Variants in EVI5L observed in about 807,000 individuals in gnomAD.
EVI5L encodes the protein ecotropic viral integration site 5 like, also known as EVI5-like protein.
EVI5L carries 30 observed loss-of-function variants against 106.1 expected under a neutral mutation model. The observed-to-expected ratio is 0.28, with a 90% CI of 0.21 to 0.38. The LOEUF is 0.38. Ranked by LOEUF, EVI5L falls within the 10% of genes least tolerant of loss-of-function variation. EVI5L has a pLI of 1.00. For missense variants in EVI5L, 809 were observed against 1,098.0 expected, an observed-to-expected ratio of 0.74 and a Z score of 3.72; for synonymous variants, 489 against 483.3, an observed-to-expected ratio of 1.01 and a Z score of -0.15.
rs1160431828 is a variant in EVI5L at position 7,850,017 on chromosome 19, C to T, written c.648C>T (p.Phe216=). The change falls in exon 6 of 20, where the codon TTC becomes TTT. Residue 216 remains phenylalanine, a synonymous_variant. Coordinates refer to ENST00000538904, the MANE Select transcript of EVI5L (RefSeq NM_001159944.3). This position sits in a 1 kb window ranked among gnomAD's most constrained non-coding sequence, Gnocchi z 5.4. ...CCTAGATGCCTGAGGAGGAGGCCTT[C>T]TGTGTGTTCGTGCGGCTGATGCAGG... is the stretch of plus-strand genomic sequence containing the variant. ...LLMQMPEEEA[F]CVFVRLMQEY... 5 of 1,600,612 alleles carry T rather than the reference C, an allele frequency of 3.1e-6. No individual in the cohort carries two copies. The highest frequency in any genetic ancestry group is 3.4e-6 in the Non-Finnish European group (4 of 1,173,898).
In EVI5L at chr19:7,856,124, C is replaced by T. The variant is rs191026003; in HGVS notation, c.1200+56C>T. On this transcript the variant is annotated intron_variant, in intron 11 of 19. Transcript: ENST00000538904. This position sits in a 1 kb window ranked among gnomAD's most constrained non-coding sequence, Gnocchi z 6.6. ...TCGCCATGGGGTGTGACCCACCATG[C>T]GGGGCATGGCCGCTAACCTGGGGTG... 42 of 1,301,856 alleles carry T rather than the reference C, an allele frequency of 3.2e-5. No individual in the cohort carries two copies. In the East Asian group the frequency reaches 3.4e-4, roughly 10 times the overall value. 80.6% of individuals were successfully genotyped at this position (1,301,856 alleles called of 1,614,324 possible).
rs773314061 is a variant in EVI5L at position 7,864,520 on chromosome 19, C to G, written c.*818C>G. ...CGGTCTCCATCTACTTCCCTTTCTT[C>G]ATGTGTTTCCAGCCCCACCCTCAGC... is the stretch of plus-strand genomic sequence containing the variant. On this transcript the variant is annotated 3_prime_UTR_variant, in exon 20 of 20. Transcript: ENST00000538904. The surrounding 1 kb of genome is among the most constrained non-coding windows in gnomAD (Gnocchi z 4.5). The G allele has an allele frequency of 6.6e-6, 1 of 152,586 alleles. No individual in the cohort carries two copies. The highest frequency in any genetic ancestry group is 1.5e-5 in the Non-Finnish European group (1 of 68,232). 9.5% of individuals were successfully genotyped at this position (152,586 alleles called of 1,614,324 possible).
At chr19:7,847,604 AAG>A (rs1979015072) in intron 2 of EVI5L, 126 bp from the exon 3 acceptor site, 1 of 935,690 alleles carries the variant, frequency 1.1e-6, no homozygotes, top group Admixed American at 2.7e-5. Flanking sequence ...AGAAAAAAAA[AAG>A]AACAAGAGGG....
chr19:7,863,446 C>G lies in EVI5L; in HGVS notation c.2162C>G (p.Pro721Arg). The change falls in exon 20 of 20, where the codon CCG becomes CGG. Residue 721 changes from proline to arginine, a missense_variant. By Grantham distance (103) the Pro-to-Arg change is moderately radical. Coordinates refer to ENST00000538904, the MANE Select transcript of EVI5L (RefSeq NM_001159944.3). The surrounding 1 kb of genome is among the most constrained non-coding windows in gnomAD (Gnocchi z 7.7). ...CAGGTGCGGCTGCTGAAGGGCCCGCCGCCCTTCGAGGACCCGCTGGCTTTC... is the reference window on the plus strand; with the variant it reads ...CAGGTGCGGCTGCTGAAGGGCCCGCGGCCCTTCGAGGACCCGCTGGCTTTC... Reference protein sequence around the residue: ...KAEVRLLKGPPPFEDPLAFDG... With the variant: ...KAEVRLLKGPRPFEDPLAFDG... 6.4e-7 allele frequency: 1 copy of G among 1,551,940 alleles called. No homozygotes were observed. The highest frequency in any genetic ancestry group is 8.7e-7 in the Non-Finnish European group (1 of 1,149,262).
intron 1 of EVI5L, among the ~76,000 whole-genome samples, chr19:7,842,910 ATG>A (rs1361208098): frequency 2.6e-5 from 4 of 151,386 alleles, no homozygotes; most frequent in African/African-American, 9.7e-5. Flanking sequence ...GAGTGTGTGC[ATG>A]TGTGTGTGAA....
At position 7,858,348 on chromosome 19, in the gene EVI5L, G is replaced by GTGTGTGTGTGTGT; in HGVS notation, c.1374+17_1374+18insTGTGTGTGTGTGT. 6.5e-7 allele frequency: 1 copy of GTGTGTGTGTGTGT among 1,539,120 alleles called. No individual in the cohort carries two copies. On this transcript the variant is annotated intron_variant, in intron 13 of 19. Transcript: ENST00000538904. The surrounding 1 kb of genome is among the most constrained non-coding windows in gnomAD (Gnocchi z 5.7). ...GAGCAGCAGGTAGGGGCGGGTGTGC[G>GTGTGTGTGTGTGT]GGGCTGCTGGGCGGGGCCATGACCC... is the stretch of plus-strand genomic sequence containing the variant.
At chr19:7,842,382 G>A (rs1978651894) in intron 1 of EVI5L, among the ~76,000 whole-genome samples, 1 of 30,890 alleles carries the variant, frequency 3.2e-5, no homozygotes, top group African/African-American at 9.0e-5. Context: ...GCATGTGTGT[G>A]CATGTCTGTG....
chr19:7,830,717 C>G (rs1309714158), intron 1 of EVI5L, among the ~76,000 whole-genome samples: 1 of 138,210 alleles, frequency 7.2e-6, no homozygotes, highest in Non-Finnish European at 1.6e-5. Context: ...GGCTCCCCAT[C>G]CCCCCACTCC....
At chr19:7,849,429 G>A (rs950266787) in intron 5 of EVI5L, 99 bp downstream of exon 5, 34 of 1,292,736 alleles carry the variant, frequency 2.6e-5, no homozygotes, top group South Asian at 2.3e-4. Flanking sequence ...TCCACCCAGC[G>A]TCTTGCTAGG....
Position 7,858,065 on chromosome 19 carries a change from G to C in EVI5L, c.1234-126G>C. On this transcript the variant is annotated intron_variant, in intron 12 of 19. Transcript: ENST00000538904. The surrounding 1 kb of genome is among the most constrained non-coding windows in gnomAD (Gnocchi z 5.7). ...GACGCTCATCCCAGGCTCTGAGTAC[G>C]GGAGGCCCCCACCTCACTTCCCCCC... The C allele has an allele frequency of 1.7e-6, 2 of 1,148,868 alleles. No individual in the cohort carries two copies. The highest frequency in any genetic ancestry group is 1.5e-5 in the South Asian group (1 of 64,526). The allele number at this position is 1,148,868 out of a possible 1,614,324, so 71.2% of individuals were successfully genotyped here.
At chr19:7,851,338 A>T in intron 6 of EVI5L, 96 bp from the exon 7 acceptor site, 12 of 1,477,648 alleles carry the variant, frequency 8.1e-6, no homozygotes, top group Non-Finnish European at 1.0e-5. Context: ...GCGCAGGTCC[A>T]GGAAGGCTCC....
chr19:7,851,387 G>C, intron 6 of EVI5L, 47 bp from the exon 7 acceptor site: 1 of 1,580,550 alleles, frequency 6.3e-7, no homozygotes. Context: ...CCCCCCGGTG[G>C]GAGGGCGTCC....
intron 10 of EVI5L, among the ~76,000 whole-genome samples, chr19:7,854,281 CAAAAA>C (rs56186481): frequency 1.1e-5 from 1 of 94,754 alleles, no homozygotes; most frequent in Non-Finnish European, 2.1e-5. Flanking sequence ...GACTGTGTCT[CAAAAA>C]AAAAAAAAAA....
chr19:7,863,505 G>T lies in EVI5L; in HGVS notation c.2221G>T (p.Asp741Tyr). The stretch of plus-strand genomic sequence containing the variant: ...GAGCCTGGCGCGGCACTTGGACGAG[G>T]ACTCGCTGCCGTCGTCGGACGAGGA... ...GLSLARHLDEDSLPSSDEELL... is the reference protein window; with the variant it reads ...GLSLARHLDEYSLPSSDEELL... The change falls in exon 20 of 20, where the codon GAC becomes TAC. Residue 741 changes from aspartate to tyrosine, a missense_variant. Around this residue, in one of 2 missense-constraint regions of EVI5L, gnomAD observed 452 missense variants for 509.9 expected, o/e 0.89. Transcript: ENST00000538904. This position sits in a 1 kb window ranked among gnomAD's most constrained non-coding sequence, Gnocchi z 7.7. The T allele has an allele frequency of 2.5e-6, 4 of 1,589,000 alleles. No homozygotes were observed. In the East Asian group the frequency reaches 6.9e-5, roughly 28 times the overall value.
chr19:7,855,114 CTTTTTTTTTTT>C (rs200195743), intron 10 of EVI5L, among the ~76,000 whole-genome samples: 2 of 132,628 alleles, frequency 1.5e-5, no homozygotes, highest in African/African-American at 5.5e-5. Context: ...ATATCTTTTT[CTTTTTTTTTTT>C]TTTTTTTTGG....
chr19:7,839,002 G>GA (rs113476042), intron 1 of EVI5L, among the ~76,000 whole-genome samples: 127 of 137,844 alleles, frequency 9.2e-4, no homozygotes, highest in Middle Eastern at 3.8e-3. Flanking sequence ...TCTCTAAAAA[G>GA]AAAAAAAAAA....
In EVI5L at chr19:7,840,531, A is replaced by G. The variant is rs137994388; in HGVS notation, c.-47-5965A>G. ...CTTACAGTTTGGTGGCATTTATTCC[A>G]ACTGTGTTGTGCAACCATCACCACT... is the stretch of plus-strand genomic sequence containing the variant. On this transcript the variant is annotated intron_variant, in intron 1 of 19. Coordinates refer to ENST00000538904, the MANE Select transcript of EVI5L (RefSeq NM_001159944.3). 6.7e-3 allele frequency among the ~76,000 whole-genome samples: 1,027 copies of G among 152,280 alleles called. 14 individuals are homozygous for G. Among genetic ancestry groups the G allele is most frequent in the African/African-American group, 0.024 (993 of 41,532 alleles).
Position 7,843,442 on chromosome 19 carries a change from GTA to G in EVI5L, c.-47-3052_-47-3051del, listed in dbSNP as rs1277644809. ...GCATGGGTGTGTCGAGAGTGTGTGT[GTA>G]TGGGTGTGTGAGTGTGTGTGAGAAT... is the stretch of plus-strand genomic sequence containing the variant. On this transcript the variant is annotated intron_variant, in intron 1 of 19. Transcript: ENST00000538904. 8.6e-4 allele frequency among the ~76,000 whole-genome samples: 120 copies of G among 140,076 alleles called. 2 individuals carry two copies. The highest frequency in any genetic ancestry group is 1.4e-3 in the Admixed American group (19 of 13,858). The allele number at this position is 140,076 out of a possible 152,430, so 91.9% of individuals were successfully genotyped here. A position where few individuals can be genotyped will look rare whatever the true frequency, so the allele number is the denominator to read the frequency against.
At chr19:7,853,625 T>C in intron 10 of EVI5L, 1 of 493,744 alleles carries the variant, frequency 2.0e-6, no homozygotes, top group Non-Finnish European at 3.7e-6. Context: ...GAGTGCGGAC[T>C]CTAAATGCTC....
Sources: allele counts gnomAD v4.1 joint callset (sites outside exome capture counted in the v4.1 genomes callset), GRCh38; gene constraint gnomAD v4.1.1; regional missense constraint gnomAD v4.1.1; non-coding constraint Gnocchi (gnomAD v3.1); transcripts MANE v1.5; gene names NCBI Gene and HGNC (gene_info 2026-07-23, HGNC 2026-07-21).